Variants in GHR observed in about 807,000 individuals in gnomAD.
GHR encodes GH receptor.
GHR carries 35 observed loss-of-function variants against 67.1 expected under a neutral mutation model. That is an observed-to-expected ratio of 0.52 (90% CI 0.40 to 0.69). The LOEUF is 0.69. Among genes scored for constraint, GHR ranks in the 30% least tolerant of loss-of-function variants. The pLI, the probability that GHR is intolerant of heterozygous loss-of-function variation, is 0.00. For missense variants in GHR, 792 were observed against 764.6 expected (o/e 1.04, Z -0.42); for synonymous variants, 272 against 269.1 (o/e 1.01, Z -0.10).
intron 2 of GHR, among the ~76,000 whole-genome samples, chr5:42,578,309 A>G (rs983448400): frequency 3.9e-5 from 6 of 152,218 alleles, no homozygotes; most frequent in Non-Finnish European, 8.8e-5. Flanking sequence ...TGTGGGGATC[A>G]AATTAGATAA....
intron 2 of GHR, among the ~76,000 whole-genome samples, chr5:42,578,509 G>A (rs528110532): frequency 1.4e-4 from 22 of 152,144 alleles, no homozygotes; most frequent in South Asian, 2.1e-4. Context: ...CATGTCAGAT[G>A]TGCCTTAATG....
intron 1 of GHR, among the ~76,000 whole-genome samples, chr5:42,460,068 A>C (rs1744423168): frequency 6.6e-6 from 1 of 152,152 alleles, no homozygotes; most frequent in Non-Finnish European, 1.5e-5. Context: ...CTCCAATCCT[A>C]TAGAGTTGGT....
At chr5:42,703,554 A>C (rs1473851223) in intron 6 of GHR, among the ~76,000 whole-genome samples, 6 of 152,002 alleles carry the variant, frequency 3.9e-5, no homozygotes, top group Non-Finnish European at 5.9e-5. Flanking sequence ...GTTGCATACA[A>C]ATTTTAGAAT....
Position 42,718,873 on chromosome 5 carries a change from C to A in GHR, c.1366C>A (p.Pro456Thr). The change falls in exon 10 of 10, where the codon CCA becomes ACA. Residue 456 changes from proline (P) to threonine (T), a missense_variant. By Grantham distance (38) the Pro-to-Thr change is conservative. Coordinates refer to ENST00000230882, the MANE Select transcript of GHR (RefSeq NM_000163.5). ...TGTTATCCAAGCAGAGAAAAACAAA[C>A]CACAACCACTTCCTACTGAAGGAGC... Reference protein sequence around the residue: ...PSVIQAEKNKPQPLPTEGAES... With the variant: ...PSVIQAEKNKTQPLPTEGAES... 2.5e-6 allele frequency: 4 copies of A among 1,614,096 alleles called. No individual in the cohort carries two copies. The highest frequency in any genetic ancestry group is 2.5e-6 in the Non-Finnish European group (3 of 1,179,982).
At chr5:42,681,962 A>G (rs1363251503) in intron 3 of GHR, among the ~76,000 whole-genome samples, 4 of 148,292 alleles carry the variant, frequency 2.7e-5, no homozygotes, top group Middle Eastern at 7.0e-3. Context: ...AAAAAGACAT[A>G]TGCACACGTA....
Position 42,424,342 on chromosome 5 carries a change from G to C in GHR, c.-12+387G>C, listed in dbSNP as rs191565229. ...TTACTCCGGAGACAGTTTTGTTAAA[G>C]TCATAAAAGTTTTGCTAGTGTGTTT... On this transcript the variant is annotated intron_variant, in intron 1 of 9. Coordinates refer to ENST00000230882, the MANE Select transcript of GHR (RefSeq NM_000163.5). This position sits in a 1 kb window ranked among gnomAD's most constrained non-coding sequence, Gnocchi z 4.1. 2.6e-3 allele frequency: 1,529 copies of C among 584,306 alleles called. 10 individuals are homozygous for C. Among genetic ancestry groups the C allele is most frequent in the African/African-American group, 0.014 (732 of 53,530 alleles). The allele number at this position is 584,306 out of a possible 1,614,324, so 36.2% of individuals were successfully genotyped here.
Position 42,423,622 on chromosome 5 carries a change from G to A in GHR, c.-345G>A, listed in dbSNP as rs1181976137. Among the ~76,000 whole-genome samples, 4 of 152,194 alleles carry A rather than the reference G, an allele frequency of 2.6e-5. No individual in the cohort carries two copies. In the East Asian group the frequency reaches 7.7e-4, roughly 29 times the overall value. On this transcript the variant is annotated 5_prime_UTR_variant, in exon 1 of 10. In the 5' UTR this introduces an upstream ATG that the reference lacks. Coordinates refer to ENST00000230882, the MANE Select transcript of GHR (RefSeq NM_000163.5). ...TGGGGGACTGCGGGCCAGGCGCGGC[G>A]TGACCCCTGGTGAACGGTGGCCGCC...
At chr5:42,694,828 A>G (rs1757591322) in intron 4 of GHR, 89 bp from the exon 5 acceptor site, 1 of 955,552 alleles carries the variant, frequency 1.0e-6, no homozygotes. Flanking sequence ...CTTCCAATTT[A>G]TTGAATCAGA....
At chr5:42,668,824 T>C (rs1414735260) in intron 3 of GHR, among the ~76,000 whole-genome samples, 1 of 152,152 alleles carries the variant, frequency 6.6e-6, no homozygotes, top group Non-Finnish European at 1.5e-5. Flanking sequence ...AAGCCTGTTG[T>C]AAATTTAAAA....
rs187796290 is a variant in GHR at position 42,682,305 on chromosome 5, A to G, written c.137-6585A>G. The stretch of plus-strand genomic sequence containing the variant: ...GTGCTATAAATGGATGTTGAACTAT[A>G]CTATTTTTAGATTTAATCTTTAAAA... On this transcript the variant is annotated intron_variant, in intron 3 of 9. Transcript: ENST00000230882. Among the ~76,000 whole-genome samples the G allele has an allele frequency of 1.0e-3, 154 of 152,342 alleles. 1 individual carries two copies. Among genetic ancestry groups the G allele is most frequent in the African/African-American group, 3.7e-3 (152 of 41,592 alleles).
At chr5:42,570,944 T>C (rs1561130929) in intron 2 of GHR, among the ~76,000 whole-genome samples, 1 of 152,250 alleles carries the variant, frequency 6.6e-6, no homozygotes, top group East Asian at 1.9e-4. Flanking sequence ...ACAGGGATGA[T>C]AAAAAATAGA....
At chr5:42,647,381 T>C (rs1298992343) in intron 3 of GHR, among the ~76,000 whole-genome samples, 2 of 152,086 alleles carry the variant, frequency 1.3e-5, no homozygotes, top group Non-Finnish European at 2.9e-5. Context: ...GAGACCATCC[T>C]GGCTAACACA....
rs766704808 is a variant in GHR, at chr5:42,718,721, A to C, written c.1214A>C (p.His405Pro). The C allele has an allele frequency of 9.9e-6, 16 of 1,614,068 alleles. No homozygotes were observed. The Admixed American group carries it at 1.7e-4, about 17-fold the overall frequency. Reference sequence around the variant, plus strand: ...ACTGATTTCAATGCCAATGACATACATGAGGGTACCTCAGAGGTTGCTCAG... The same window carrying C: ...ACTGATTTCAATGCCAATGACATACCTGAGGGTACCTCAGAGGTTGCTCAG... ...LETDFNANDI[H>P]EGTSEVAQPQ... Residue 405 changes from histidine (H) to proline (P), a missense_variant, in exon 10 of 10, where the codon CAT becomes CCT. By Grantham distance (77) the His-to-Pro change is moderately conservative (BLOSUM62 -2). Transcript: ENST00000230882.
chr5:42,709,508 A>G (rs1433861979), intron 6 of GHR, among the ~76,000 whole-genome samples: 2 of 152,148 alleles, frequency 1.3e-5, no homozygotes, highest in African/African-American at 2.4e-5. Flanking sequence ...CTAGTAAACC[A>G]ATAACTTACA....
intron 2 of GHR, among the ~76,000 whole-genome samples, chr5:42,611,558 C>G (rs1033327585): frequency 6.6e-6 from 1 of 152,160 alleles, no homozygotes; most frequent in Non-Finnish European, 1.5e-5. Flanking sequence ...ACAAAACGCA[C>G]ATGGTTTCTG....
intron 2 of GHR, among the ~76,000 whole-genome samples, chr5:42,579,147 TAGATATA>T (rs1750997088): frequency 2.7e-4 from 17 of 63,616 alleles, no homozygotes; most frequent in South Asian, 7.9e-4. Flanking sequence ...AGATGATAGA[TAGATATA>T]GATAGATAGA....
intron 3 of GHR, among the ~76,000 whole-genome samples, chr5:42,647,477 G>A (rs1441031846): frequency 6.6e-6 from 1 of 151,744 alleles, no homozygotes; most frequent in Non-Finnish European, 1.5e-5. Context: ...TGGAGGCTGA[G>A]GCAGGAAAAT....
At chr5:42,607,222 T>G (rs1752671679) in intron 2 of GHR, among the ~76,000 whole-genome samples, 1 of 152,206 alleles carries the variant, frequency 6.6e-6, no homozygotes, top group South Asian at 2.1e-4. Context: ...ACCTCTTTCC[T>G]TTTTAAGTTA....
chr5:42,474,630 A>T (rs190399880), intron 1 of GHR, among the ~76,000 whole-genome samples: 4 of 152,176 alleles, frequency 2.6e-5, no homozygotes, highest in African/African-American at 9.7e-5. Context: ...ACAACAACAA[A>T]AAAAGGCAGG....
Sources: allele counts gnomAD v4.1 joint callset (sites outside exome capture counted in the v4.1 genomes callset), GRCh38; gene constraint gnomAD v4.1.1; non-coding constraint Gnocchi (gnomAD v3.1); transcripts MANE v1.5; gene names NCBI Gene and HGNC (gene_info 2026-07-23, HGNC 2026-07-21).